Variants in ZNF883 observed in about 807,000 individuals in gnomAD.
ZNF883 encodes zinc finger protein 883.
chr9:112,990,375 G>A (rs916583714), intron 1 of ZNF883, among the ~76,000 whole-genome samples: 1 of 152,182 alleles, frequency 6.6e-6, no homozygotes. Context: ...AGATAATCAT[G>A]TGGTTTTTGT....
At chr9:113,005,564 GTTTA>G (rs987966601) in intron 2 of ZNF883, among the ~76,000 whole-genome samples, 12 of 152,050 alleles carry the variant, frequency 7.9e-5, no homozygotes, top group Non-Finnish European at 1.8e-4. Context: ...AGTGGAAAAG[GTTTA>G]TTTATTTGTA....
upstream of ZNF883, chr9:112,998,306 C>A (rs75939690): frequency 2.8e-6 from 4 of 1,428,142 alleles, no homozygotes; most frequent in African/African-American, 2.9e-5. Flanking sequence ...TCATTTTTGT[C>A]GGTATGTAAT....
chr9:113,003,353 G>A (rs1828444725), intron 2 of ZNF883, among the ~76,000 whole-genome samples: 1 of 152,152 alleles, frequency 6.6e-6, no homozygotes, highest in Non-Finnish European at 1.5e-5. Context: ...CCAGCTTGCT[G>A]AACTGGGAGT....
chr9:112,988,244 A>G (rs1828271757), intron 1 of ZNF883, among the ~76,000 whole-genome samples: 1 of 152,114 alleles, frequency 6.6e-6, no homozygotes, highest in South Asian at 2.1e-4. Flanking sequence ...CTATCAACCC[A>G]TCACCTAGGT....
At chr9:112,995,998 A>G (rs1399255208), downstream of ZNF883, among the ~76,000 whole-genome samples, 2 of 151,642 alleles carry the variant, frequency 1.3e-5, no homozygotes, top group African/African-American at 4.8e-5. Context: ...TTTTCTTTGG[A>G]TTTATATTAT....
intron 2 of ZNF883, among the ~76,000 whole-genome samples, chr9:113,010,785 A>C (rs947037241): frequency 3.9e-5 from 6 of 152,160 alleles, no homozygotes; most frequent in African/African-American, 1.4e-4. Flanking sequence ...CAGGAGTTTG[A>C]GACCAGGATG....
chr9:112,990,401 T>G (rs948062963), intron 1 of ZNF883, among the ~76,000 whole-genome samples: 2 of 152,250 alleles, frequency 1.3e-5, no homozygotes, highest in Non-Finnish European at 2.9e-5. Context: ...GTTCTGTTTA[T>G]GTGATGAATT....
At chr9:112,995,731 G>A (rs1828347061), downstream of ZNF883, among the ~76,000 whole-genome samples, 1 of 151,994 alleles carries the variant, frequency 6.6e-6, no homozygotes, top group Non-Finnish European at 1.5e-5. Flanking sequence ...TATTAATGTA[G>A]ATTTCTATTT....
Position 112,990,439 on chromosome 9 carries a change from C to G in ZNF883, n.310-6860G>C, listed in dbSNP as rs550032910. 2.6e-5 allele frequency among the ~76,000 whole-genome samples: 4 copies of G among 152,310 alleles called. No homozygotes were observed. The East Asian group carries it at 7.7e-4, about 29-fold the overall frequency. Reference sequence around the variant, plus strand: ...ATTTATTGACTTGCATATGTTGAATCAACCTTGCATCCCAGGGATAAAGCT... The same window carrying G: ...ATTTATTGACTTGCATATGTTGAATGAACCTTGCATCCCAGGGATAAAGCT... On this transcript the variant is annotated intron_variant and non_coding_transcript_variant, in intron 1 of 9. Coordinates refer to the ZNF883 transcript ENST00000638823.
chr9:112,995,388 A>T (rs777163718), downstream of ZNF883, among the ~76,000 whole-genome samples: 2 of 152,058 alleles, frequency 1.3e-5, no homozygotes, highest in Non-Finnish European at 1.5e-5. Context: ...TGCTGACTGC[A>T]GATCTTGGGC....
chr9:113,006,913 TGGCTG>T (rs1352164719), intron 2 of ZNF883, among the ~76,000 whole-genome samples: 1 of 152,100 alleles, frequency 6.6e-6, no homozygotes, highest in Non-Finnish European at 1.5e-5. Context: ...AAAAAAATCT[TGGCTG>T]GGCACAGTGG....
chr9:112,996,904 TCA>T (rs1828363266), downstream of ZNF883, among the ~76,000 whole-genome samples: 3 of 149,828 alleles, frequency 2.0e-5, no homozygotes, highest in South Asian at 6.4e-4. Context: ...AAAACAAACC[TCA>T]GTTTTGGATG....
chr9:112,990,556 G>A (rs938091415), intron 1 of ZNF883, among the ~76,000 whole-genome samples: 1 of 152,136 alleles, frequency 6.6e-6, no homozygotes, highest in Non-Finnish European at 1.5e-5. Flanking sequence ...GTTCATCAGG[G>A]ACATTGCCCT....
chr9:113,006,166 CATT>C (rs1319419611), intron 2 of ZNF883, among the ~76,000 whole-genome samples: 10 of 151,514 alleles, frequency 6.6e-5, no homozygotes. Context: ...CTTCCCTGCT[CATT>C]ATACACTAAT....
intron 1 of ZNF883, among the ~76,000 whole-genome samples, chr9:112,990,373 A>G (rs1191601046): frequency 2.6e-5 from 4 of 152,182 alleles, no homozygotes; most frequent in East Asian, 1.9e-4. Flanking sequence ...TGAGATAATC[A>G]TGTGGTTTTT....
intron 1 of ZNF883, among the ~76,000 whole-genome samples, chr9:112,989,897 T>C (rs1250905403): frequency 1.3e-5 from 2 of 151,472 alleles, no homozygotes; most frequent in African/African-American, 4.8e-5. Flanking sequence ...AATGGGAGTT[T>C]ATGATTTGGC....
At chr9:112,999,384 G>A (rs1372907946), upstream of ZNF883, among the ~76,000 whole-genome samples, 1 of 152,068 alleles carries the variant, frequency 6.6e-6, no homozygotes. Context: ...AATGTGTGGG[G>A]TTGTTTCCAT....
downstream of ZNF883, among the ~76,000 whole-genome samples, chr9:112,994,029 C>A (rs1442512679): frequency 2.6e-5 from 4 of 152,200 alleles, no homozygotes; most frequent in Non-Finnish European, 1.5e-5. Context: ...AGGAACTCAG[C>A]AGCCTTAGGC....
At chr9:112,997,039 A>G (rs1564332120), downstream of ZNF883, 1 of 1,368,286 alleles carries the variant, frequency 7.3e-7, no homozygotes, top group East Asian at 2.5e-5. Flanking sequence ...TTCCTCACAT[A>G]ACAATCCTAG....
Sources: gnomAD v4.1 joint callset for allele counts (sites outside exome capture counted in the v4.1 genomes callset) on GRCh38, gnomAD v4.1.1 for gene constraint, MANE v1.5 for transcripts, NCBI Gene and HGNC (gene_info 2026-07-23, HGNC 2026-07-21) for gene names.